RYR2: variants seen among roughly 807,000 people sequenced by gnomAD.
The protein encoded by RYR2 is cardiac muscle ryanodine receptor-calcium release channel.
RYR2 carries 227 observed loss-of-function variants against 601.1 expected under a neutral mutation model. The observed-to-expected ratio is 0.38, with a 90% confidence interval of 0.34 to 0.42. The LOEUF is 0.42. Ranked by LOEUF, RYR2 falls within the 10% of genes least tolerant of loss-of-function variation. RYR2 has a pLI of 1.00. For missense variants in RYR2, 4,646 were observed against 6,156.5 expected, an observed-to-expected ratio of 0.75 and a Z score of 8.21; for synonymous variants, 2,223 against 2,175.1, an observed-to-expected ratio of 1.02 and a Z score of -0.61.
intron 80 of RYR2, 50 bp downstream of exon 80, chr1:237,742,399 T>C: frequency 1.6e-6 from 2 of 1,238,134 alleles, no homozygotes; most frequent in Non-Finnish European, 2.3e-6. Context: ...TGAAACATTG[T>C]TTCATAGCTT....
chr1:237,491,774 T>G (rs773451507), intron 17 of RYR2, 32 bp from the exon 18 acceptor site: 17 of 1,043,496 alleles, frequency 1.6e-5, no homozygotes, highest in East Asian at 7.9e-5. Flanking sequence ...TAATCATGTG[T>G]TTTTTTTCCT....
At chr1:237,575,853 A>T (rs969469423) in intron 29 of RYR2, among the ~76,000 whole-genome samples, 1 of 152,202 alleles carries the variant, frequency 6.6e-6, no homozygotes, top group African/African-American at 2.4e-5. Context: ...CGAATTTATC[A>T]TCATTCGAAG....
At chr1:237,525,952 C>A (rs988744462) in intron 24 of RYR2, among the ~76,000 whole-genome samples, 1 of 148,756 alleles carries the variant, frequency 6.7e-6, no homozygotes, top group African/African-American at 2.5e-5. Flanking sequence ...TGCACTCCAG[C>A]CTGGGTGACA....
At chr1:237,341,874 G>A (rs930707906) in intron 3 of RYR2, among the ~76,000 whole-genome samples, 23 of 152,108 alleles carry the variant, frequency 1.5e-4, no homozygotes, top group African/African-American at 4.1e-4. Flanking sequence ...TTTTGGGTTC[G>A]GTAATCCTCC....
chr1:237,600,776 G>T (rs1341383970), intron 34 of RYR2, among the ~76,000 whole-genome samples: 1 of 151,908 alleles, frequency 6.6e-6, no homozygotes, highest in African/African-American at 2.4e-5. Flanking sequence ...TTTAAAAGGG[G>T]GCAAAAGACC....
intron 79 of RYR2, among the ~76,000 whole-genome samples, chr1:237,739,817 A>T (rs1482292486): frequency 6.6e-6 from 1 of 152,190 alleles, no homozygotes; most frequent in African/African-American, 2.4e-5. Context: ...GAATGCATGA[A>T]ATATACTTCT....
chr1:237,627,428 G>A (rs1304448095), intron 40 of RYR2, among the ~76,000 whole-genome samples: 1 of 152,192 alleles, frequency 6.6e-6, no homozygotes, highest in Non-Finnish European at 1.5e-5. Context: ...GATAAATGAT[G>A]TCAGGCCTTC....
At chr1:237,658,484 C>T (rs562124769) in intron 54 of RYR2, among the ~76,000 whole-genome samples, 5 of 152,192 alleles carry the variant, frequency 3.3e-5, no homozygotes, top group East Asian at 1.9e-4. Flanking sequence ...CTGGAACTAC[C>T]GGGCTCGAGC....
intron 10 of RYR2, among the ~76,000 whole-genome samples, chr1:237,411,908 C>T (rs185950305): frequency 6.6e-5 from 10 of 152,168 alleles, no homozygotes; most frequent in East Asian, 1.9e-4. Flanking sequence ...TTGGAGGTGT[C>T]GCTTACAATG....
rs1025204279 is a variant in RYR2 at position 237,208,606 on chromosome 1, G to A, written c.49-61891G>A. ...TTGTCAAAAATTATATATATTCAAC[G>A]TATACAATGTGATGTTTTGATATAC... On this transcript the variant is annotated intron_variant, in intron 1 of 104. Transcript: ENST00000366574. 1.7e-4 allele frequency among the ~76,000 whole-genome samples: 25 copies of A among 150,258 alleles called. 1 individual carries two copies. The highest frequency in any genetic ancestry group is 6.2e-4 in the South Asian group (3 of 4,810).
Position 237,708,870 on chromosome 1 carries a change from C to A in RYR2, c.9914C>A (p.Pro3305His). Residue 3305 changes from proline (P) to histidine (H), a missense_variant, in exon 69 of 105, where the codon CCT (proline) becomes CAT (histidine). Pro to His is a moderately conservative substitution (Grantham distance 77). Around this residue, in one of 17 missense-constraint regions of RYR2, gnomAD observed 1,497 missense variants for 1,842.6 expected, o/e 0.81. Transcript: ENST00000366574. Reference protein sequence around the residue: ...WMKRLAVFSQPIINKVKPQLL... With the variant: ...WMKRLAVFSQHIINKVKPQLL... The stretch of plus-strand genomic sequence containing the variant: ...TGTCTTTAAACAGTGTTTTCCCAGC[C>A]TATAATAAATAAAGTGAAACCTCAG... 1 of 1,609,770 alleles carries A rather than the reference C, an allele frequency of 6.2e-7. No homozygotes were observed. Among genetic ancestry groups the A allele is most frequent in the Non-Finnish European group, 8.5e-7 (1 of 1,177,048 alleles).
chr1:237,088,991 A>C (rs1055575320), intron 1 of RYR2, among the ~76,000 whole-genome samples: 1 of 152,164 alleles, frequency 6.6e-6, no homozygotes, highest in South Asian at 2.1e-4. Context: ...TAACAAACCA[A>C]ACCCACATGG....
intron 8 of RYR2, among the ~76,000 whole-genome samples, chr1:237,383,826 G>A (rs1474732712): frequency 6.6e-6 from 1 of 152,130 alleles, no homozygotes; most frequent in East Asian, 1.9e-4. Flanking sequence ...AGACCCGGGT[G>A]CCCAGAGATT....
chr1:237,474,197 A>G (rs1048019571), intron 17 of RYR2, among the ~76,000 whole-genome samples: 3 of 110,036 alleles, frequency 2.7e-5, no homozygotes, highest in Non-Finnish European at 4.3e-5. Flanking sequence ...GTACGTGTGT[A>G]TATATGTGTG....
intron 1 of RYR2, among the ~76,000 whole-genome samples, chr1:237,044,630 G>A (rs1028573936): frequency 2.5e-5 from 3 of 122,208 alleles, no homozygotes; most frequent in African/African-American, 9.5e-5. Flanking sequence ...AGGTGACACA[G>A]TGGAGCAGGG....
intron 63 of RYR2, among the ~76,000 whole-genome samples, chr1:237,698,477 C>T (rs939208136): frequency 1.1e-4 from 16 of 151,850 alleles, no homozygotes; most frequent in African/African-American, 3.9e-4. Flanking sequence ...AATTAATTTA[C>T]CTTCATGCAA....
chr1:237,741,595 T>A (rs1273135543), intron 79 of RYR2, among the ~76,000 whole-genome samples: 3 of 152,116 alleles, frequency 2.0e-5, no homozygotes, highest in Non-Finnish European at 2.9e-5. Flanking sequence ...TTTTTCAGAC[T>A]CTTTTTTCTT....
chr1:237,558,632 G>C (rs1671146856), intron 27 of RYR2, among the ~76,000 whole-genome samples: 1 of 152,096 alleles, frequency 6.6e-6, no homozygotes, highest in Non-Finnish European at 1.5e-5. Flanking sequence ...CTTCTTAGAT[G>C]TGTAAATGAA....
chr1:237,090,187 G>T (rs1412435959), intron 1 of RYR2, among the ~76,000 whole-genome samples: 6 of 152,116 alleles, frequency 3.9e-5, no homozygotes, highest in Non-Finnish European at 7.3e-5. Context: ...ATGCTATGTG[G>T]GGATTATGGG....
Sources: gnomAD v4.1 joint callset for allele counts (sites outside exome capture counted in the v4.1 genomes callset) on GRCh38, gnomAD v4.1.1 for gene constraint, gnomAD v4.1.1 regional missense constraint, MANE v1.5 for transcripts, NCBI Gene and HGNC (gene_info 2026-07-23, HGNC 2026-07-21) for gene names.